The following VAMP7 variants were observed in gnomAD, a reference collection of about 807,000 sequenced individuals.
VAMP7 encodes vesicle associated membrane protein 7.
Under a neutral mutation model 29.6 loss-of-function variants are expected in VAMP7, and 14 were observed. The ratio of observed to expected loss-of-function variants is 0.47; its 90% CI spans 0.31 to 0.74. VAMP7 has a LOEUF of 0.74. Ranked by LOEUF, VAMP7 falls within the 30% of genes least tolerant of loss-of-function variation. VAMP7 has a pLI of 0.05. For missense variants in VAMP7, 223 were observed against 262.4 expected (o/e 0.85, Z 1.04); for synonymous variants, 95 against 88.1 (o/e 1.08, Z -0.44).
At chrX:155,888,818 C>T (rs989115408) in intron 1 of VAMP7, among the ~76,000 whole-genome samples, 1 of 152,112 alleles carries the variant, frequency 6.6e-6, no homozygotes, top group Admixed American at 6.6e-5. Flanking sequence ...GTTTAAATTG[C>T]AGCTCCACAC....
chrX:155,913,665 C>G (rs1602969173), intron 5 of VAMP7, among the ~76,000 whole-genome samples: 1 of 152,104 alleles, frequency 6.6e-6, no homozygotes, highest in South Asian at 2.1e-4. Flanking sequence ...TCAGGTTTGT[C>G]AAAGATCAGA....
intron 1 of VAMP7, among the ~76,000 whole-genome samples, chrX:155,886,366 T>C (rs930303012): frequency 6.6e-6 from 1 of 152,140 alleles, no homozygotes; most frequent in African/African-American, 2.4e-5. Context: ...GGAATTCCTA[T>C]TAGTGACATC....
chrX:155,905,885 T>C (rs2066139860), intron 5 of VAMP7, among the ~76,000 whole-genome samples: 1 of 152,178 alleles, frequency 6.6e-6, no homozygotes, highest in African/African-American at 2.4e-5. Context: ...ACCTTTCATT[T>C]TCATGAACTT....
chrX:155,899,060 C>T (rs962212332), intron 4 of VAMP7, among the ~76,000 whole-genome samples: 13 of 151,992 alleles, frequency 8.6e-5, no homozygotes, highest in African/African-American at 3.1e-4. Context: ...ATTTGGGTTG[C>T]TTCCAGTTTT....
chrX:155,901,709 C>T (rs1429144515), intron 5 of VAMP7, among the ~76,000 whole-genome samples: 5 of 152,094 alleles, frequency 3.3e-5, no homozygotes, highest in Admixed American at 3.3e-4. Context: ...TCTGAGGGCT[C>T]TGTTCTGTTC....
chrX:155,936,010 C>G (rs961693089), intron 6 of VAMP7, among the ~76,000 whole-genome samples: 2 of 152,116 alleles, frequency 1.3e-5, no homozygotes, highest in African/African-American at 2.4e-5. Context: ...GGCTGCAGAA[C>G]AGTGAATATT....
intron 6 of VAMP7, among the ~76,000 whole-genome samples, chrX:155,927,765 G>GTT (rs35465189): frequency 0.48 from 67,459 of 140,984 alleles, 16,258 homozygotes; most frequent in Middle Eastern, 0.55. Flanking sequence ...CACAATGGCA[G>GTT]TTTTTTTTTT....
At chrX:155,882,860 A>T (rs2065819740) in intron 1 of VAMP7, among the ~76,000 whole-genome samples, 1 of 152,204 alleles carries the variant, frequency 6.6e-6, no homozygotes, top group Non-Finnish European at 1.5e-5. Context: ...AGGGTAAAAT[A>T]GACACTTTGA....
chrX:155,941,323 C>T (rs2066739912), intron 7 of VAMP7, among the ~76,000 whole-genome samples: 1 of 152,020 alleles, frequency 6.6e-6, no homozygotes, highest in African/African-American at 2.4e-5. Flanking sequence ...AGTATTTTTG[C>T]AGTGTTACTT....
intron 2 of VAMP7, among the ~76,000 whole-genome samples, chrX:155,890,651 G>T (rs2065916159): frequency 6.6e-6 from 1 of 152,152 alleles, no homozygotes; most frequent in Non-Finnish European, 1.5e-5. Context: ...GTGAGCCACT[G>T]CCCCTGGCCC....
chrX:155,902,913 T>A (rs2066087825), intron 5 of VAMP7, among the ~76,000 whole-genome samples: 2 of 151,778 alleles, frequency 1.3e-5, no homozygotes, highest in African/African-American at 4.8e-5. Flanking sequence ...TCCCTCTTTT[T>A]CTATTGATTG....
intron 1 of VAMP7, among the ~76,000 whole-genome samples, chrX:155,888,198 T>G (rs760032701): frequency 6.6e-6 from 1 of 152,276 alleles, no homozygotes; most frequent in Non-Finnish European, 1.5e-5. Flanking sequence ...TGTGCTGTCC[T>G]TCCATGCTGG....
intron 2 of VAMP7, among the ~76,000 whole-genome samples, chrX:155,893,544 G>C (rs1424265465): frequency 1.3e-5 from 2 of 152,192 alleles, no homozygotes; most frequent in Non-Finnish European, 2.9e-5. Context: ...TTGAACAACA[G>C]ATACTTGTTT....
intron 5 of VAMP7, among the ~76,000 whole-genome samples, chrX:155,918,827 A>G (rs1302485018): frequency 2.6e-5 from 4 of 152,294 alleles, no homozygotes; most frequent in Admixed American, 6.5e-5. Context: ...CTCTGCATCT[A>G]TTAAGGTGAT....
At position 155,901,506 on chromosome X, in the gene VAMP7, T is replaced by A. The variant is rs764369269; in HGVS notation, c.433+919T>A. 2.1e-4 allele frequency among the ~76,000 whole-genome samples: 32 copies of A among 152,242 alleles called. No homozygotes were observed. The South Asian group carries it at 6.0e-3, about 29-fold the overall frequency. ...TAAATGACTTATTTATTTTTAGAGT[T>A]ATAGAAACAGCAAATTTAATCCATC... On this transcript the variant is annotated intron_variant, in intron 5 of 7. Transcript: ENST00000286448.
chrX:155,929,301 C>G (rs1313559754), intron 6 of VAMP7, among the ~76,000 whole-genome samples: 2 of 152,170 alleles, frequency 1.3e-5, no homozygotes, highest in Non-Finnish European at 2.9e-5. Flanking sequence ...AAAGGAGAGG[C>G]AGTATCTAAT....
intron 5 of VAMP7, among the ~76,000 whole-genome samples, chrX:155,912,576 G>T (rs2066253229): frequency 6.8e-6 from 1 of 147,918 alleles, no homozygotes; most frequent in Non-Finnish European, 1.5e-5. Context: ...TGTTCTCATT[G>T]TTCAACTCCC....
At chrX:155,920,167 A>G (rs763670160) in intron 6 of VAMP7, among the ~76,000 whole-genome samples, 1 of 152,322 alleles carries the variant, frequency 6.6e-6, no homozygotes, top group Non-Finnish European at 1.5e-5. Context: ...TAGCACCTCA[A>G]CTGCATGTAA....
At chrX:155,932,907 C>T (rs952709047) in intron 6 of VAMP7, among the ~76,000 whole-genome samples, 4 of 152,214 alleles carry the variant, frequency 2.6e-5, no homozygotes, top group Admixed American at 2.6e-4. Flanking sequence ...GAGTTTTTAG[C>T]ATGAAGGGCT....
Sources: allele counts gnomAD v4.1 joint callset (sites outside exome capture counted in the v4.1 genomes callset), GRCh38; gene constraint gnomAD v4.1.1; transcripts MANE v1.5; gene names NCBI Gene and HGNC (gene_info 2026-07-23, HGNC 2026-07-21).